Variants in GCNT1 observed in about 807,000 individuals in gnomAD.
GCNT1 encodes the protein beta-1,3-galactosyl-O-glycosyl-glycoprotein beta-1,6-N-acetylglucosaminyltransferase.
Under a neutral mutation model 26.2 loss-of-function variants are expected in GCNT1, and 16 were observed. The ratio of observed to expected loss-of-function variants is 0.61; its 90% CI spans 0.41 to 0.93. The LOEUF (loss-of-function observed/expected upper bound fraction) is 0.93, where lower values mean the gene tolerates loss of function less well. Ranked by LOEUF, GCNT1 falls within the 40% of genes least tolerant of loss-of-function variation. The probability of loss-of-function intolerance (pLI) is 0.00; values close to 1 mark genes in which losing one functional copy is unlikely to be tolerated. For missense variants in GCNT1, 477 were observed against 526.7 expected, an observed-to-expected ratio of 0.91 and a Z score of 0.92; for synonymous variants, 183 against 190.8, an observed-to-expected ratio of 0.96 and a Z score of 0.34.
intron 1 of GCNT1, among the ~76,000 whole-genome samples, chr9:76,446,455 T>C (rs1823579104): frequency 6.6e-6 from 1 of 152,222 alleles, no homozygotes; most frequent in Non-Finnish European, 1.5e-5. Context: ...AAGGAACTTG[T>C]TTCTTTTGCC....
the GCNT1 span, among the ~76,000 whole-genome samples, chr9:76,411,675 C>T: frequency 7.4e-6 from 1 of 134,524 alleles, no homozygotes; most frequent in Admixed American, 7.4e-5. Flanking sequence ...ATTTTCTCTC[C>T]TTTTTTAACA....
chr9:76,477,895 C>T (rs1205453252), intron 2 of GCNT1, among the ~76,000 whole-genome samples: 1 of 152,192 alleles, frequency 6.6e-6, no homozygotes, highest in African/African-American at 2.4e-5. Flanking sequence ...GTGAAGCCAG[C>T]TGGGCTTCTG....
At chr9:76,399,279 C>T in the GCNT1 span, 38 of 1,415,578 alleles carry the variant, frequency 2.7e-5, no homozygotes, top group South Asian at 3.2e-4. Context: ...TATGACCACC[C>T]GTGGGAGGTC....
chr9:76,502,155 A>G (rs10117913), intron 3 of GCNT1, 84 bp from the exon 4 acceptor site: 13,177 of 139,556 alleles, frequency 0.094, 1,853 homozygotes, highest in African/African-American at 0.34. Context: ...TATTGTGAAA[A>G]ACTCTCTCTC....
chr9:76,496,954 A>G (rs1358063578), intron 2 of GCNT1, among the ~76,000 whole-genome samples: 1 of 152,158 alleles, frequency 6.6e-6, no homozygotes, highest in Non-Finnish European at 1.5e-5. Flanking sequence ...GCCCCAGGTC[A>G]GTTGTTGGAT....
chr9:76,415,420 A>G (rs73650212), upstream of GCNT1, among the ~76,000 whole-genome samples: 2,552 of 152,334 alleles, frequency 0.017, 68 homozygotes, highest in African/African-American at 0.057. Flanking sequence ...TAGGTGGGAC[A>G]GGATGGCTAG....
chr9:76,410,381 G>C, the GCNT1 span, among the ~76,000 whole-genome samples: 1 of 152,186 alleles, frequency 6.6e-6, no homozygotes, highest in Admixed American at 6.5e-5. Context: ...GCAGTCAGCT[G>C]AGATTGTGCC....
upstream of GCNT1, among the ~76,000 whole-genome samples, chr9:76,457,501 G>A (rs1018537217): frequency 1.7e-4 from 26 of 152,232 alleles, no homozygotes; most frequent in South Asian, 8.3e-4. Context: ...CACCCACCTC[G>A]GCCTCCCAAA....
intron 2 of GCNT1, among the ~76,000 whole-genome samples, chr9:76,487,077 T>G (rs771990510): frequency 3.9e-5 from 6 of 152,080 alleles, no homozygotes; most frequent in Non-Finnish European, 4.4e-5. Flanking sequence ...CAGACAGGTA[T>G]CAGAGACTAC....
intron 2 of GCNT1, among the ~76,000 whole-genome samples, chr9:76,500,238 G>A (rs1825028503): frequency 6.6e-6 from 1 of 151,934 alleles, no homozygotes; most frequent in Non-Finnish European, 1.5e-5. Flanking sequence ...TTTGTTATTT[G>A]TTTAGTGGCT....
At chr9:76,446,351 GGGAAGTTT>G (rs1823577440) in intron 1 of GCNT1, among the ~76,000 whole-genome samples, 1 of 152,272 alleles carries the variant, frequency 6.6e-6, no homozygotes, top group South Asian at 2.1e-4. Context: ...ACAGCACCCA[GGGAAGTTT>G]GCCCTTGTGG....
At chr9:76,479,218 T>C (rs1313357507) in intron 2 of GCNT1, among the ~76,000 whole-genome samples, 5 of 152,380 alleles carry the variant, frequency 3.3e-5, no homozygotes, top group Middle Eastern at 3.4e-3. Context: ...TAGTAGTCTA[T>C]GGTGTATATG....
chr9:76,410,451 TTAAAA>T, the GCNT1 span, among the ~76,000 whole-genome samples: 3 of 152,028 alleles, frequency 2.0e-5, no homozygotes, highest in African/African-American at 4.8e-5. Flanking sequence ...AATTAATTAA[TTAAAA>T]TAAAATTTGT....
upstream of GCNT1, among the ~76,000 whole-genome samples, chr9:76,416,903 A>G (rs1378056337): frequency 2.6e-5 from 4 of 152,006 alleles, no homozygotes; most frequent in Non-Finnish European, 5.9e-5. Flanking sequence ...TACTAAAAAT[A>G]CAAAAAATTA....
chr9:76,405,288 A>AACACACACACACAC, the GCNT1 span, among the ~76,000 whole-genome samples: 164 of 149,750 alleles, frequency 1.1e-3, no homozygotes, highest in Non-Finnish European at 1.5e-3. Context: ...CCTGACCTTC[A>AACACACACACACAC]ACACACACAC....
chr9:76,435,235 G>A (rs540736870), intron 1 of GCNT1, among the ~76,000 whole-genome samples: 101 of 152,166 alleles, frequency 6.6e-4, no homozygotes, highest in African/African-American at 2.0e-3. Context: ...TTTGCGGCTC[G>A]GGTGGGCATC....
the GCNT1 span, among the ~76,000 whole-genome samples, chr9:76,396,885 A>G: frequency 5.6e-4 from 85 of 152,274 alleles, no homozygotes; most frequent in Non-Finnish European, 1.1e-3. Flanking sequence ...TACTTGGGAA[A>G]CTGAGGAGTG....
chr9:76,491,826 T>C (rs1025345926), intron 2 of GCNT1, among the ~76,000 whole-genome samples: 1 of 152,196 alleles, frequency 6.6e-6, no homozygotes, highest in Non-Finnish European at 1.5e-5. Flanking sequence ...ACGTGCATAT[T>C]TGAAGCACCG....
intron 2 of GCNT1, among the ~76,000 whole-genome samples, chr9:76,466,297 C>T (rs377565941): frequency 5.3e-4 from 80 of 151,934 alleles, no homozygotes; most frequent in African/African-American, 1.9e-3. Context: ...TCTAATGCTA[C>T]TGGGATTTTG....
Sources: gnomAD v4.1 joint callset for allele counts (sites outside exome capture counted in the v4.1 genomes callset) on GRCh38, gnomAD v4.1.1 for gene constraint, MANE v1.5 for transcripts, NCBI Gene and HGNC (gene_info 2026-07-23, HGNC 2026-07-21) for gene names.